The following HTR1F variants were observed in gnomAD, a reference collection of about 807,000 sequenced individuals.
The protein encoded by HTR1F is 5-hydroxytryptamine (serotonin) receptor 1F, G protein-coupled.
In HTR1F, 17 loss-of-function variants were observed where a neutral mutation model predicts 24.0. The observed-to-expected ratio is 0.71, with a 90% CI of 0.48 to 1.06. The LOEUF is 1.06. Ranked by LOEUF, HTR1F falls within the 50% of genes least tolerant of loss-of-function variation. The probability of loss-of-function intolerance (pLI) is 0.00; values close to 1 mark genes in which losing one functional copy is unlikely to be tolerated. For missense variants in HTR1F, 391 were observed against 427.8 expected (o/e 0.91, Z 0.76); for synonymous variants, 186 against 156.8 (o/e 1.19, Z -1.39).
chr3:87,883,606 A>G (rs1705862188), intron 2 of HTR1F, among the ~76,000 whole-genome samples: 1 of 152,120 alleles, frequency 6.6e-6, no homozygotes, highest in Non-Finnish European at 1.5e-5. Flanking sequence ...TAGAAAAAAG[A>G]TTAGACAAAT....
chr3:87,912,160 A>G (rs1421000252), intron 2 of HTR1F, among the ~76,000 whole-genome samples: 1 of 152,098 alleles, frequency 6.6e-6, no homozygotes, highest in African/African-American at 2.4e-5. Context: ...CTATATCTAG[A>G]AAACCCCATA....
intron 1 of HTR1F, among the ~76,000 whole-genome samples, chr3:87,794,978 C>T (rs1703879139): frequency 7.3e-6 from 1 of 137,080 alleles, no homozygotes; most frequent in Non-Finnish European, 1.5e-5. Context: ...AAAATTATGA[C>T]TGACTTTTTT....
At chr3:87,934,665 A>G (rs543251456) in intron 2 of HTR1F, among the ~76,000 whole-genome samples, 1 of 152,262 alleles carries the variant, frequency 6.6e-6, no homozygotes, top group Non-Finnish European at 1.5e-5. Context: ...GACTTCAACA[A>G]TCACTTCCAG....
chr3:87,884,676 CA>C (rs150794442), intron 2 of HTR1F, among the ~76,000 whole-genome samples: 1 of 150,948 alleles, frequency 6.6e-6, no homozygotes, highest in Non-Finnish European at 1.5e-5. Flanking sequence ...AAATGGAAAG[CA>C]AAAAAAAGCA....
chr3:87,971,284 A>G (rs1422499831), intron 2 of HTR1F, among the ~76,000 whole-genome samples: 1 of 152,092 alleles, frequency 6.6e-6, no homozygotes, highest in Non-Finnish European at 1.5e-5. Flanking sequence ...ATAGGTAACA[A>G]TGGCCGGGCA....
At chr3:87,919,727 G>A (rs1410806403) in intron 2 of HTR1F, among the ~76,000 whole-genome samples, 1 of 151,914 alleles carries the variant, frequency 6.6e-6, no homozygotes, top group Non-Finnish European at 1.5e-5. Context: ...AGTAGATGTT[G>A]GCGTGGATGC....
chr3:87,936,459 T>A lies in HTR1F; in HGVS notation c.-42-54249T>A, dbSNP rs757018349. On this transcript the variant is annotated intron_variant, in intron 2 of 2. Transcript: ENST00000319595. ...TTATCTTTTTAAAAACTTTATCATCTAGTTATTAACCACATTGCAGAATAC... is the reference window on the plus strand; with the variant it reads ...TTATCTTTTTAAAAACTTTATCATCAAGTTATTAACCACATTGCAGAATAC... Among the ~76,000 whole-genome samples, 105 of 152,334 alleles carry A rather than the reference T, an allele frequency of 6.9e-4. 1 individual carries two copies. The highest frequency in any genetic ancestry group is 2.6e-4 in the Non-Finnish European group (18 of 68,038).
intron 2 of HTR1F, among the ~76,000 whole-genome samples, chr3:87,966,627 T>G (rs1456974987): frequency 3.3e-5 from 5 of 152,008 alleles, no homozygotes; most frequent in Non-Finnish European, 5.9e-5. Flanking sequence ...TTCAAGTGAT[T>G]TTTTTCATCT....
rs557508542 is a variant in HTR1F at position 87,987,795 on chromosome 3, A to T, written c.-42-2913A>T. On this transcript the variant is annotated intron_variant, in intron 2 of 2. Transcript: ENST00000319595. ...TTTATATATGTATTTTATATATATA[A>T]AATATATGTATTATATATGTATTAT... 9.5e-4 allele frequency among the ~76,000 whole-genome samples: 133 copies of T among 139,294 alleles called. 4 individuals carry two copies. The highest frequency in any genetic ancestry group is 3.0e-3 in the African/African-American group (109 of 35,808). 91.4% of individuals were successfully genotyped at this position (139,294 alleles called of 152,430 possible). A position where few individuals can be genotyped will look rare whatever the true frequency, so the allele number is the denominator to read the frequency against.
chr3:87,986,568 T>C (rs959645935), intron 2 of HTR1F, among the ~76,000 whole-genome samples: 1 of 152,232 alleles, frequency 6.6e-6, no homozygotes, highest in Non-Finnish European at 1.5e-5. Context: ...TATCAACCAA[T>C]TCACCTTCTA....
At chr3:87,882,491 A>G (rs1440779527) in intron 2 of HTR1F, among the ~76,000 whole-genome samples, 1 of 152,096 alleles carries the variant, frequency 6.6e-6, no homozygotes, top group African/African-American at 2.4e-5. Flanking sequence ...GATTAAGAAA[A>G]TGTGGCACAT....
intron 1 of HTR1F, among the ~76,000 whole-genome samples, chr3:87,799,341 A>G (rs1269981826): frequency 6.6e-6 from 1 of 152,166 alleles, no homozygotes; most frequent in Non-Finnish European, 1.5e-5. Context: ...GCATACAACA[A>G]TGTTTCTTAT....
Position 87,979,137 on chromosome 3 carries a change from G to GAGGGAGGA in HTR1F, c.-42-11564_-42-11563insAAGGGAGG, listed in dbSNP as rs1553683867. 1.4e-3 allele frequency among the ~76,000 whole-genome samples: 39 copies of GAGGGAGGA among 28,824 alleles called. 2 individuals are homozygous for GAGGGAGGA. Among genetic ancestry groups the GAGGGAGGA allele is most frequent in the African/African-American group, 3.0e-3 (28 of 9,356 alleles). 18.9% of individuals were successfully genotyped at this position (28,824 alleles called of 152,430 possible). A position where few individuals can be genotyped will look rare whatever the true frequency, so the allele number is the denominator to read the frequency against. On this transcript the variant is annotated intron_variant, in intron 2 of 2. Coordinates refer to ENST00000319595, the MANE Select transcript of HTR1F (RefSeq NM_001322209.2). ...GAAGGAAGGGAGGGAGGGAGGGAGG[G>GAGGGAGGA]AGGGAGGGAGATGGGAAAGACTGAG...
At chr3:87,834,561 G>C (rs1704645420) in intron 2 of HTR1F, among the ~76,000 whole-genome samples, 1 of 151,804 alleles carries the variant, frequency 6.6e-6, no homozygotes, top group Non-Finnish European at 1.5e-5. Context: ...CATGTCTTTT[G>C]ATCCCTAATG....
chr3:87,832,618 G>A (rs984794106), intron 2 of HTR1F, among the ~76,000 whole-genome samples: 2 of 152,078 alleles, frequency 1.3e-5, no homozygotes, highest in African/African-American at 4.8e-5. Flanking sequence ...GTGAGCCACC[G>A]CGCCCAGCCA....
At chr3:87,934,834 A>AC (rs1704372717) in intron 2 of HTR1F, among the ~76,000 whole-genome samples, 1 of 152,092 alleles carries the variant, frequency 6.6e-6, no homozygotes, top group Non-Finnish European at 1.5e-5. Context: ...AAAAATTCAG[A>AC]ATGTCTGAAT....
intron 1 of HTR1F, among the ~76,000 whole-genome samples, chr3:87,795,716 A>T (rs1341821038): frequency 1.3e-5 from 2 of 152,212 alleles, no homozygotes; most frequent in African/African-American, 2.4e-5. Flanking sequence ...GACAGAGAAG[A>T]AATACTAATT....
chr3:87,987,629 T>TATAA (rs1263302091), intron 2 of HTR1F, among the ~76,000 whole-genome samples: 3 of 67,838 alleles, frequency 4.4e-5, no homozygotes, highest in Non-Finnish European at 8.4e-5. Flanking sequence ...TATATATATA[T>TATAA]AATATATGTA....
rs770614075 is a variant in HTR1F at position 87,991,548 on chromosome 3, A to G, written c.799A>G (p.Ser267Gly). The G allele has an allele frequency of 1.2e-6, 2 of 1,614,056 alleles. No homozygotes were observed. Among genetic ancestry groups the G allele is most frequent in the South Asian group, 2.2e-5 (2 of 91,084 alleles). The change falls in exon 3 of 3, where the codon AGT (serine) becomes GGT (glycine). Residue 267 changes from serine to glycine, a missense_variant. Ser to Gly is a moderately conservative substitution (Grantham distance 56). Transcript: ENST00000319595. Reference protein sequence around the residue: ...DFDKIHSTVRSLRSEFKHEKS... With the variant: ...DFDKIHSTVRGLRSEFKHEKS... ...TGATAAAATTCATAGCACAGTGAGA[A>G]GTCTCAGGTCTGAATTCAAGCATGA... is the stretch of plus-strand genomic sequence containing the variant.
Sources: gnomAD v4.1 joint callset for allele counts (sites outside exome capture counted in the v4.1 genomes callset) on GRCh38, gnomAD v4.1.1 for gene constraint, MANE v1.5 for transcripts, NCBI Gene and HGNC (gene_info 2026-07-23, HGNC 2026-07-21) for gene names.